The following KLK11 variants were observed in gnomAD, a reference collection of about 807,000 sequenced individuals.
The protein encoded by KLK11 is kallikrein related peptidase 11, also known as kallikrein-11.
A neutral mutation model predicts 23.4 loss-of-function variants in KLK11; 10 were observed. That is an observed-to-expected ratio of 0.43 (90% CI 0.26 to 0.73). The LOEUF is 0.73. Ranked by LOEUF, KLK11 falls within the 30% of genes least tolerant of loss-of-function variation. The pLI is 0.22. For missense variants in KLK11, 285 were observed against 327.8 expected (o/e 0.87, Z 1.01); for synonymous variants, 131 against 131.7 (o/e 0.99, Z 0.03).
chr19:51,023,191 G>A lies in KLK11; in HGVS notation c.501C>T (p.Thr167=). The A allele has an allele frequency of 6.2e-7, 1 of 1,613,662 alleles. No individual in the cohort carries two copies. The highest frequency in any genetic ancestry group is 8.5e-7 in the Non-Finnish European group (1 of 1,179,904). The change falls in exon 5 of 6, where the codon ACC becomes ACT. Residue 167 remains threonine, a synonymous_variant. Coordinates refer to ENST00000453757, the MANE Select transcript of KLK11 (RefSeq NM_001136032.3). ...TCTCACACTTCTGGTGCTCAATGAT[G>A]GTGATGTTGGCGCATCGCAAGGTGT... ...LPHTLRCANI[T]IIEHQKCENA...
intron 4 of KLK11, chr19:51,023,624 A>G (rs1256800622): frequency 4.6e-6 from 1 of 216,374 alleles, no homozygotes; most frequent in Admixed American, 5.3e-5. Flanking sequence ...ACCTCAGGTG[A>G]TCTTCCCACC....
Position 51,026,604 on chromosome 19 carries a change from G to C in KLK11, c.-102C>G, listed in dbSNP as rs979175572. 3.0e-6 allele frequency: 3 copies of C among 986,998 alleles called. No homozygotes were observed. The South Asian group carries it at 1.4e-4, about 46-fold the overall frequency. The allele number at this position is 986,998 out of a possible 1,614,324, so 61.1% of individuals were successfully genotyped here. On this transcript the variant is annotated 5_prime_UTR_variant, in exon 1 of 6. Coordinates refer to ENST00000453757, the MANE Select transcript of KLK11 (RefSeq NM_001136032.3). ...GACGGCAGTGGCGGCAGCTACAGCA[G>C]GTAGGCTGGGTTGGAGCGCCAGGTG...
Position 51,025,550 on chromosome 19 carries a change from T to C in KLK11, c.40+42A>G, listed in dbSNP as rs1380554300. 7 of 1,362,246 alleles carry C rather than the reference T, an allele frequency of 5.1e-6. No homozygotes were observed. The highest frequency in any genetic ancestry group is 7.0e-6 in the Non-Finnish European group (7 of 994,274). 84.4% of individuals were successfully genotyped at this position (1,362,246 alleles called of 1,614,324 possible). ...ACAGAGGGTTAGGGGATCCCAGAGA[T>C]TCAAGAGGGAGGATCCTGCCCTGCC... On this transcript the variant is annotated intron_variant, in intron 2 of 5. Transcript: ENST00000453757. This position sits in a 1 kb window ranked among gnomAD's most constrained non-coding sequence, Gnocchi z 6.2.
At chr19:51,026,640 G>A (rs988431022), upstream of KLK11, 190 of 984,412 alleles carry the variant, frequency 1.9e-4, no homozygotes, top group Admixed American at 1.2e-4. Flanking sequence ...CCAGGCACCA[G>A]GCAGGCGGGC....
At chr19:51,026,985 C>A (rs1461553126), upstream of KLK11, 3 of 160,126 alleles carry the variant, frequency 1.9e-5, no homozygotes, top group East Asian at 3.7e-4. Context: ...GTCCCTGTCT[C>A]CATCTCCACT....
Position 51,022,771 on chromosome 19 carries a change from G to A in KLK11, c.601-74C>T, listed in dbSNP as rs1467569810. The A allele has an allele frequency of 3.2e-6, 5 of 1,549,912 alleles. No homozygotes were observed. The African/African-American group carries it at 4.1e-5, about 13-fold the overall frequency. On this transcript the variant is annotated intron_variant, in intron 5 of 5. Coordinates refer to ENST00000453757, the MANE Select transcript of KLK11 (RefSeq NM_001136032.3). ...TGTTAGCCAGGGAGGAGGTGGGGAC[G>A]GTGCTTAGGAGTGGGGCCGAGACAG...
intron 4 of KLK11, chr19:51,023,828 A>T (rs930104543): frequency 6.6e-6 from 3 of 456,208 alleles, no homozygotes; most frequent in Non-Finnish European, 1.1e-5. Flanking sequence ...AGGTCTTACA[A>T]CCAGGAGGTT....
Position 51,025,642 on chromosome 19 carries a change from G to C in KLK11, c.-11C>G, listed in dbSNP as rs368774258. 1.1e-5 allele frequency: 17 copies of C among 1,585,384 alleles called. No homozygotes were observed. The highest frequency in any genetic ancestry group is 1.1e-4 in the Admixed American group (6 of 56,590). On this transcript the variant is annotated 5_prime_UTR_variant, in exon 2 of 6. Transcript: ENST00000453757. This position sits in a 1 kb window ranked among gnomAD's most constrained non-coding sequence, Gnocchi z 6.2. ...CTGCAGAATCCTCATGGCCTGGAGG[G>C]GGGAGGAGCGGGCCCCAGGTTCCTC...
rs1242198833 is a variant in KLK11 at position 51,024,781 on chromosome 19, T to TC, written c.53dup (p.Glu19ArgfsTer66). 1.3e-6 allele frequency: 2 copies of TC among 1,586,478 alleles called. No individual in the cohort carries two copies. The highest frequency in any genetic ancestry group is 2.7e-5 in the African/African-American group (2 of 72,954). On this transcript the variant is annotated frameshift_variant, in exon 3 of 6. Transcript: ENST00000453757. LOFTEE classifies it high-confidence loss of function. This position sits in a 1 kb window ranked among gnomAD's most constrained non-coding sequence, Gnocchi z 6.2. ...CGAACCCCTTGATGATCCTGGTCTC[T>TC]CCCCCTACAAGCCCTGGAGGGGGTG...
upstream of KLK11, chr19:51,026,618 G>T (rs575438228): frequency 1.7e-5 from 17 of 986,978 alleles, no homozygotes; most frequent in Middle Eastern, 5.2e-4. Context: ...GGCTGGGTTG[G>T]AGCGCCAGGT....
At chr19:51,026,482 G>T in intron 1 of KLK11, 56 bp downstream of exon 1, 1 of 797,046 alleles carries the variant, frequency 1.3e-6, no homozygotes, top group Non-Finnish European at 1.5e-6. Context: ...AGGTGTCCTT[G>T]GGGAGGGCTG....
At chr19:51,027,720 G>A (rs1568574926), upstream of KLK11, 6 of 560,882 alleles carry the variant, frequency 1.1e-5, no homozygotes, top group Admixed American at 9.4e-5. Flanking sequence ...ATGACGTGGG[G>A]ACAAGGGACT....
In KLK11 at chr19:51,024,659, G is replaced by A. The variant is rs767491956; in HGVS notation, c.176C>T (p.Thr59Ile). The change falls in exon 3 of 6, where the codon ACA (threonine) becomes ATA (isoleucine). Residue 59 changes from threonine to isoleucine, a missense_variant. Thr to Ile is a moderately conservative substitution (Grantham distance 89, BLOSUM62 -1). Coordinates refer to ENST00000453757, the MANE Select transcript of KLK11 (RefSeq NM_001136032.3). This position sits in a 1 kb window ranked among gnomAD's most constrained non-coding sequence, Gnocchi z 6.2. ...CCACGGCTTGAGGCAGTGGGCTGCT[G>A]TCAGGAGCCATCTGGGGGCGATGAG... ...ATLIAPRWLLTAAHCLKPRYI... is the reference protein window; with the variant it reads ...ATLIAPRWLLIAAHCLKPRYI... 5.7e-6 allele frequency: 9 copies of A among 1,587,586 alleles called. No homozygotes were observed. Among genetic ancestry groups the A allele is most frequent in the African/African-American group, 1.4e-5 (1 of 73,942 alleles).
In KLK11 at chr19:51,025,691, C is replaced by A; in HGVS notation, c.-35-25G>T. ...TCTGGGAACAAGGAGGGACATGGGG[C>A]CGCATCACTTTACGGGGAAATCGGG... On this transcript the variant is annotated intron_variant, in intron 1 of 5. Coordinates refer to ENST00000453757, the MANE Select transcript of KLK11 (RefSeq NM_001136032.3). The surrounding 1 kb of genome is among the most constrained non-coding windows in gnomAD (Gnocchi z 6.2). 1 of 1,334,586 alleles carries A rather than the reference C, an allele frequency of 7.5e-7. No individual in the cohort carries two copies. Among genetic ancestry groups the A allele is most frequent in the South Asian group, 1.4e-5 (1 of 73,578 alleles). The allele number at this position is 1,334,586 out of a possible 1,614,324, so 82.7% of individuals were successfully genotyped here. A position where few individuals can be genotyped will look rare whatever the true frequency, so the allele number is the denominator to read the frequency against.
intron 1 of KLK11, among the ~76,000 whole-genome samples, chr19:51,026,229 C>A (rs761679964): frequency 1.3e-4 from 20 of 152,048 alleles, no homozygotes; most frequent in Non-Finnish European, 2.2e-4. Context: ...CAAACCCCTG[C>A]CCTTTTGAAG....
At chr19:51,026,290 T>A (rs1405626171) in intron 1 of KLK11, among the ~76,000 whole-genome samples, 2 of 151,694 alleles carry the variant, frequency 1.3e-5, no homozygotes, top group African/African-American at 4.8e-5. Flanking sequence ...GCCAGTGCCC[T>A]CCGCTGCCCT....
chr19:51,027,443 A>G (rs757264931), upstream of KLK11: 3 of 1,613,548 alleles, frequency 1.9e-6, no homozygotes, highest in South Asian at 3.3e-5. Context: ...GCCCGAGTCC[A>G]GCTGTTCACT....
Position 51,022,276 on chromosome 19 carries a change from G to A in KLK11, c.*269C>T. The A allele has an allele frequency of 2.0e-6, 1 of 506,046 alleles. No individual in the cohort carries two copies. The highest frequency in any genetic ancestry group is 3.6e-6 in the Non-Finnish European group (1 of 278,524). 31.3% of individuals were successfully genotyped at this position (506,046 alleles called of 1,614,324 possible). On this transcript the variant is annotated 3_prime_UTR_variant, in exon 6 of 6. Coordinates refer to ENST00000453757, the MANE Select transcript of KLK11 (RefSeq NM_001136032.3). ...TTATTGAAACCTTGATATATGGCCA[G>A]GAGCTGTCTTTGGGGCTGGGGATAC... is the stretch of plus-strand genomic sequence containing the variant.
Position 51,025,123 on chromosome 19 carries a change from T to C in KLK11, c.41-329A>G, listed in dbSNP as rs1185565152. ...TCTACAAACAATTAAACAATTAGCC[T>C]GGCTTGGTGGCAGGTGCCTGTGGTC... On this transcript the variant is annotated intron_variant, in intron 2 of 5. Coordinates refer to ENST00000453757, the MANE Select transcript of KLK11 (RefSeq NM_001136032.3). The surrounding 1 kb of genome is among the most constrained non-coding windows in gnomAD (Gnocchi z 6.2). Among the ~76,000 whole-genome samples the C allele has an allele frequency of 2.0e-5, 3 of 151,978 alleles. No individual in the cohort carries two copies. Among genetic ancestry groups the C allele is most frequent in the Non-Finnish European group, 4.4e-5 (3 of 67,984 alleles).
Sources: gnomAD v4.1 joint callset for allele counts (sites outside exome capture counted in the v4.1 genomes callset) on GRCh38, gnomAD v4.1.1 for gene constraint, Gnocchi (gnomAD v3.1) non-coding constraint, MANE v1.5 for transcripts, NCBI Gene and HGNC (gene_info 2026-07-23, HGNC 2026-07-21) for gene names.